The following EHBP1 variants were observed in gnomAD, a reference collection of about 807,000 sequenced individuals.
The protein encoded by EHBP1 is EH domain-binding protein 1.
Under a neutral mutation model 144.0 loss-of-function variants are expected in EHBP1, and 55 were observed. That is an observed-to-expected ratio of 0.38 (90% CI 0.31 to 0.48). EHBP1 has a LOEUF of 0.48. Among genes scored for constraint, EHBP1 ranks in the 20% least tolerant of loss-of-function variants. EHBP1 has a pLI of 0.98. For missense variants in EHBP1, 1,200 were observed against 1,364.2 expected (o/e 0.88, Z 1.90); for synonymous variants, 469 against 472.7 (o/e 0.99, Z 0.10).
chr2:62,819,329 A>G (rs2045699719), intron 5 of EHBP1, among the ~76,000 whole-genome samples: 1 of 152,182 alleles, frequency 6.6e-6, no homozygotes, highest in South Asian at 2.1e-4. Context: ...ACAATTTGGT[A>G]TTTTCCGATA....
chr2:62,803,426 C>T (rs1558696728), intron 5 of EHBP1, among the ~76,000 whole-genome samples: 1 of 152,132 alleles, frequency 6.6e-6, no homozygotes, highest in Non-Finnish European at 1.5e-5. Context: ...GCCTGTTTTT[C>T]ACACCCTCAG....
chr2:62,913,602 GT>G (rs1177777290), intron 10 of EHBP1, among the ~76,000 whole-genome samples: 1 of 152,040 alleles, frequency 6.6e-6, no homozygotes, highest in African/African-American at 2.4e-5. Flanking sequence ...ATTTGGTGAG[GT>G]TTTTTTGGTG....
intron 19 of EHBP1, among the ~76,000 whole-genome samples, chr2:63,017,627 T>A (rs1359665152): frequency 6.6e-6 from 1 of 152,168 alleles, no homozygotes; most frequent in African/African-American, 2.4e-5. Context: ...TTTTTAATAC[T>A]TAAATTTCTC....
chr2:63,015,591 G>A (rs1224755467), intron 19 of EHBP1, among the ~76,000 whole-genome samples: 1 of 151,826 alleles, frequency 6.6e-6, no homozygotes, highest in Non-Finnish European at 1.5e-5. Flanking sequence ...AAGCAATTAC[G>A]TTGCCTCATC....
chr2:62,691,075 G>C (rs575848022), intron 1 of EHBP1, among the ~76,000 whole-genome samples: 11 of 152,336 alleles, frequency 7.2e-5, no homozygotes, highest in Admixed American at 7.2e-4. Context: ...TTTTGAAAGA[G>C]TGAACTTGCC....
chr2:62,995,339 C>A (rs891334777), intron 18 of EHBP1, among the ~76,000 whole-genome samples: 1 of 151,782 alleles, frequency 6.6e-6, no homozygotes. Context: ...TTGTCAACTG[C>A]CATAATCAAT....
intron 7 of EHBP1, 52 bp downstream of exon 7, chr2:62,831,210 A>G: frequency 6.6e-7 from 1 of 1,516,966 alleles, no homozygotes; most frequent in East Asian, 2.4e-5. Context: ...GCAGAGTTCA[A>G]AAACTCATTC....
intron 7 of EHBP1, among the ~76,000 whole-genome samples, chr2:62,833,676 G>A (rs2046995904): frequency 6.6e-6 from 1 of 152,202 alleles, no homozygotes; most frequent in African/African-American, 2.4e-5. Flanking sequence ...GGTTGCCCAA[G>A]AGCTGTGATG....
chr2:62,844,639 A>G (rs1573670469), intron 7 of EHBP1, among the ~76,000 whole-genome samples: 1 of 152,272 alleles, frequency 6.6e-6, no homozygotes, highest in East Asian at 1.9e-4. Context: ...ATACACACCA[A>G]CAGGAAGAAA....
chr2:62,823,327 A>G (rs541499345), intron 5 of EHBP1, among the ~76,000 whole-genome samples: 70 of 152,194 alleles, frequency 4.6e-4, no homozygotes, highest in African/African-American at 1.3e-3. Context: ...TCACTTTTGT[A>G]TTGACTCTTA....
intron 7 of EHBP1, among the ~76,000 whole-genome samples, chr2:62,838,503 A>G (rs551723986): frequency 6.6e-6 from 1 of 152,218 alleles, no homozygotes; most frequent in Non-Finnish European, 1.5e-5. Flanking sequence ...AGCAGAACTG[A>G]AGGAAATAGA....
chr2:62,718,368 A>G (rs572622352), intron 2 of EHBP1, among the ~76,000 whole-genome samples: 7 of 152,348 alleles, frequency 4.6e-5, no homozygotes, highest in Non-Finnish European at 1.0e-4. Context: ...TCAGTTCTTC[A>G]GTTACAGTAG....
At chr2:62,707,684 G>C (rs1310883043) in intron 2 of EHBP1, among the ~76,000 whole-genome samples, 2 of 152,294 alleles carry the variant, frequency 1.3e-5, no homozygotes, top group East Asian at 3.9e-4. Context: ...TGATTTAATA[G>C]AGTTTTAATA....
chr2:62,738,908 G>A (rs1331762884), intron 2 of EHBP1, among the ~76,000 whole-genome samples: 1 of 151,762 alleles, frequency 6.6e-6, no homozygotes, highest in Middle Eastern at 3.2e-3. Context: ...CTTCTTTTTA[G>A]CCTGTTTTCT....
rs572289283 is a variant in EHBP1 at position 62,817,333 on chromosome 2, G to A, written c.313-8754G>A. Among the ~76,000 whole-genome samples the A allele has an allele frequency of 6.6e-5, 10 of 152,216 alleles. No individual in the cohort carries two copies. In the South Asian group the frequency reaches 1.9e-3, roughly 28 times the overall value. ...AGTAAAAGACTTGAAGGAAGTGGGC[G>A]AGCTAGCCATATAATATCTATGAGA... On this transcript the variant is annotated intron_variant, in intron 5 of 22. Coordinates refer to ENST00000431489, the MANE Select transcript of EHBP1 (RefSeq NM_001142616.3).
rs571725366 is a variant in EHBP1, at chr2:62,862,828, C to T, written c.758-1903C>T. Reference sequence around the variant, plus strand: ...ATGACTTTTGGCTCACTGAAATTTTCCTACAATTTGAGAAAATATTTTTAT... The same window carrying T: ...ATGACTTTTGGCTCACTGAAATTTTTCTACAATTTGAGAAAATATTTTTAT... On this transcript the variant is annotated intron_variant, in intron 8 of 22. Transcript: ENST00000431489. Among the ~76,000 whole-genome samples the T allele has an allele frequency of 5.7e-4, 86 of 152,116 alleles. 1 individual carries two copies. The highest frequency in any genetic ancestry group is 2.3e-3 in the South Asian group (11 of 4,828).
intron 7 of EHBP1, among the ~76,000 whole-genome samples, chr2:62,849,366 G>GTT (rs1558788451): frequency 1.3e-5 from 2 of 152,078 alleles, no homozygotes; most frequent in Non-Finnish European, 2.9e-5. Context: ...AAGATCAAAC[G>GTT]TGAGTAAAGC....
intron 19 of EHBP1, among the ~76,000 whole-genome samples, chr2:63,021,757 T>C (rs2060759009): frequency 6.6e-6 from 1 of 151,768 alleles, no homozygotes; most frequent in Non-Finnish European, 1.5e-5. Context: ...TCTCCCAGTT[T>C]CCCCAAATGG....
At chr2:62,892,624 A>C (rs966223321) in intron 10 of EHBP1, among the ~76,000 whole-genome samples, 2 of 152,092 alleles carry the variant, frequency 1.3e-5, no homozygotes, top group African/African-American at 2.4e-5. Context: ...TTTTAATTCT[A>C]CGTAGCAAAA....
Sources: allele counts gnomAD v4.1 joint callset (sites outside exome capture counted in the v4.1 genomes callset), GRCh38; gene constraint gnomAD v4.1.1; transcripts MANE v1.5; gene names NCBI Gene and HGNC (gene_info 2026-07-23, HGNC 2026-07-21).